The following DZIP1 variants were observed in gnomAD, a reference collection of about 807,000 sequenced individuals.
The protein encoded by DZIP1 is cilium assembly protein DZIP1.
Under a neutral mutation model 107.6 loss-of-function variants are expected in DZIP1, and 97 were observed. That is an observed-to-expected ratio of 0.90 (90% confidence interval 0.77 to 1.07). DZIP1 has a LOEUF of 1.07. DZIP1 is among the 50% of genes least tolerant of loss of function. The pLI, the probability that DZIP1 is intolerant of heterozygous loss-of-function variation, is 0.00. For synonymous variants in DZIP1, 390 were observed against 386.4 expected, an observed-to-expected ratio of 1.01 and a Z score of -0.11; for missense variants, 1,035 against 1,063.6, an observed-to-expected ratio of 0.97 and a Z score of 0.37.
intron 6 of DZIP1, among the ~76,000 whole-genome samples, chr13:95,630,489 C>T (rs1877061238): frequency 1.3e-5 from 2 of 151,974 alleles, no homozygotes. Flanking sequence ...GCAACAGCTT[C>T]CTCTGCAGGC....
At chr13:95,626,405 A>G (rs1876548898) in intron 7 of DZIP1, among the ~76,000 whole-genome samples, 1 of 152,226 alleles carries the variant, frequency 6.6e-6, no homozygotes, top group African/African-American at 2.4e-5. Context: ...AAAGGATTGT[A>G]AGAGAATATA....
In DZIP1 at chr13:95,644,580, C is replaced by G. The variant is rs914810169; in HGVS notation, c.-729G>C. 3 of 152,662 alleles carry G rather than the reference C, an allele frequency of 2.0e-5. No individual in the cohort carries two copies. The highest frequency in any genetic ancestry group is 7.2e-5 in the African/African-American group (3 of 41,462). 9.5% of individuals were successfully genotyped at this position (152,662 alleles called of 1,614,324 possible). ...CTGGGCAAGTTGTGGCGAGGCGGGT[C>G]GACTGGCGCCGCTCTAGGGCCTTCC... is the stretch of plus-strand genomic sequence containing the variant. On this transcript the variant is annotated 5_prime_UTR_variant, in exon 1 of 23. Transcript: ENST00000376829.
At chr13:95,620,966 G>A (rs1384175595) in intron 9 of DZIP1, among the ~76,000 whole-genome samples, 2 of 152,170 alleles carry the variant, frequency 1.3e-5, no homozygotes, top group Non-Finnish European at 2.9e-5. Context: ...TCACTGGATG[G>A]CCACTGGCAG....
At chr13:95,586,201 A>C in intron 20 of DZIP1, 65 bp from the exon 21 acceptor site, 1 of 1,383,068 alleles carries the variant, frequency 7.2e-7, no homozygotes, top group Non-Finnish European at 9.7e-7. Context: ...TTAGTTCCAA[A>C]ATAACCTTAC....
At chr13:95,612,607 T>C (rs1376490812) in intron 10 of DZIP1, among the ~76,000 whole-genome samples, 4 of 151,986 alleles carry the variant, frequency 2.6e-5, no homozygotes, top group Non-Finnish European at 5.9e-5. Flanking sequence ...TTTTTTGACA[T>C]GGAGTCTCGC....
chr13:95,621,857 A>G (rs1162358910), intron 9 of DZIP1, among the ~76,000 whole-genome samples: 12 of 151,954 alleles, frequency 7.9e-5, no homozygotes, highest in Non-Finnish European at 5.9e-5. Context: ...AGCTGGGATT[A>G]CAGGCATCTG....
intron 13 of DZIP1, among the ~76,000 whole-genome samples, chr13:95,608,487 G>A (rs1297639121): frequency 7.1e-6 from 1 of 141,590 alleles, no homozygotes. Context: ...ATAGATATTT[G>A]AGTTTGGTCA....
chr13:95,634,419 C>T (rs1877558322), intron 5 of DZIP1, among the ~76,000 whole-genome samples: 2 of 65,728 alleles, frequency 3.0e-5, no homozygotes, highest in Non-Finnish European at 1.0e-4. Context: ...CTAGCCCAGT[C>T]CCTCCAGGTT....
chr13:95,600,625 T>TAGGCAGACAGAC (rs2044593142), intron 14 of DZIP1, among the ~76,000 whole-genome samples: 1 of 125,208 alleles, frequency 8.0e-6, no homozygotes, highest in East Asian at 2.2e-4. Context: ...GATAGATAGA[T>TAGGCAGACAGAC]AGATAGACAG....
At chr13:95,593,059 C>A (rs1332319965) in intron 16 of DZIP1, among the ~76,000 whole-genome samples, 1 of 152,156 alleles carries the variant, frequency 6.6e-6, no homozygotes, top group Non-Finnish European at 1.5e-5. Flanking sequence ...CACACACATC[C>A]ATGTACATAC....
At chr13:95,619,075 CTG>C (rs36118959) in intron 10 of DZIP1, among the ~76,000 whole-genome samples, 46,067 of 151,870 alleles carry the variant, frequency 0.3, 7,252 homozygotes, top group Middle Eastern at 0.37. Context: ...CATTGCAGTT[CTG>C]TGATACAAAA....
rs758862754 is a variant in DZIP1, at chr13:95,606,002, C to T, written c.1477+1G>A. The T allele has an allele frequency of 1.2e-6, 2 of 1,613,878 alleles. No homozygotes were observed. The highest frequency in any genetic ancestry group is 1.1e-5 in the South Asian group (1 of 91,054). ...ACGCTGAGACTATTACTGAAACTTACCATGCACCATTGGCAGACTTGATTT... is the reference window on the plus strand; with the variant it reads ...ACGCTGAGACTATTACTGAAACTTATCATGCACCATTGGCAGACTTGATTT... On this transcript the variant is annotated splice_donor_variant, in intron 14 of 22. Transcript: ENST00000376829. LOFTEE classifies it high-confidence loss of function.
chr13:95,612,146 G>A lies in DZIP1; in HGVS notation c.1205C>T (p.Ser402Leu), dbSNP rs141507895. Residue 402 changes from serine (S) to leucine (L), a missense_variant, in exon 11 of 23, where the codon TCA (serine) becomes TTA (leucine). Coordinates refer to ENST00000376829, the MANE Select transcript of DZIP1 (RefSeq NM_198968.4). The part of the protein sequence containing the change: ...LLSHIEKLRT[S>L]MIDDLNASNV... ...GCTTGCATTTAGATCATCTATCATT[G>A]AGGTTCGAAGTTTCTCTATATGTGA... The A allele has an allele frequency of 6.2e-7, 1 of 1,612,562 alleles. No individual in the cohort carries two copies. Among genetic ancestry groups the A allele is most frequent in the Admixed American group, 1.7e-5 (1 of 59,984 alleles).
chr13:95,612,265 G>T, intron 10 of DZIP1, 88 bp from the exon 11 acceptor site: 1 of 1,451,018 alleles, frequency 6.9e-7, no homozygotes, highest in Non-Finnish European at 9.3e-7. Context: ...TGCTCTGCCT[G>T]TTTTGCTAGC....
chr13:95,641,968 G>T lies in DZIP1; in HGVS notation c.36+26C>A. 6.4e-7 allele frequency: 1 copy of T among 1,573,550 alleles called. No individual in the cohort carries two copies. Among genetic ancestry groups the T allele is most frequent in the Non-Finnish European group, 8.6e-7 (1 of 1,165,384 alleles). ...CTCCCCAGCCCGGCATCCCCGTCGGGGGCGCCCCGGCCTCCCGCCTCTTAC... is the reference window on the plus strand; with the variant it reads ...CTCCCCAGCCCGGCATCCCCGTCGGTGGCGCCCCGGCCTCCCGCCTCTTAC... On this transcript the variant is annotated intron_variant, in intron 4 of 22. Transcript: ENST00000376829. This position sits in a 1 kb window ranked among gnomAD's most constrained non-coding sequence, Gnocchi z 4.3.
At position 95,581,055 on chromosome 13, in the gene DZIP1, A is replaced by G. The variant is rs2044004409; in HGVS notation, c.*1179T>C. On this transcript the variant is annotated 3_prime_UTR_variant, in exon 23 of 23. Transcript: ENST00000376829. Reference sequence around the variant, plus strand: ...CAAGGCCAGATTCTCCCTCTGTAAGACCCCTAATAAGTACAAATTTAACTC... The same window carrying G: ...CAAGGCCAGATTCTCCCTCTGTAAGGCCCCTAATAAGTACAAATTTAACTC... 1 of 152,162 alleles carries G rather than the reference A, an allele frequency of 6.6e-6. No homozygotes were observed. Among genetic ancestry groups the G allele is most frequent in the Non-Finnish European group, 1.5e-5 (1 of 68,040 alleles). 9.4% of individuals were successfully genotyped at this position (152,162 alleles called of 1,614,324 possible).
intron 22 of DZIP1, chr13:95,584,474 T>A: frequency 1.6e-6 from 1 of 617,778 alleles, no homozygotes; most frequent in East Asian, 1.0e-4. Flanking sequence ...TAACACCGTT[T>A]CAAAAACAAA....
chr13:95,582,939 T>C (rs1032120496), intron 22 of DZIP1, among the ~76,000 whole-genome samples: 1 of 152,044 alleles, frequency 6.6e-6, no homozygotes, highest in Non-Finnish European at 1.5e-5. Context: ...TGCCAACAGG[T>C]CTCCTGGTTT....
Position 95,641,896 on chromosome 13 carries a change from G to C in DZIP1, c.37-41C>G. On this transcript the variant is annotated intron_variant, in intron 4 of 22. Transcript: ENST00000376829. The surrounding 1 kb of genome is among the most constrained non-coding windows in gnomAD (Gnocchi z 4.3). ...AGAGAGCGCGGCGGGAGGCGGGGAT[G>C]GGGGGCGGGCAGGCTGGGGAGCTGG... is the stretch of plus-strand genomic sequence containing the variant. The C allele has an allele frequency of 1.4e-6, 2 of 1,444,276 alleles. No individual in the cohort carries two copies. The highest frequency in any genetic ancestry group is 1.8e-6 in the Non-Finnish European group (2 of 1,104,460). 89.5% of individuals were successfully genotyped at this position (1,444,276 alleles called of 1,614,324 possible).
Sources: allele counts gnomAD v4.1 joint callset (sites outside exome capture counted in the v4.1 genomes callset), GRCh38; gene constraint gnomAD v4.1.1; non-coding constraint Gnocchi (gnomAD v3.1); transcripts MANE v1.5; gene names NCBI Gene and HGNC (gene_info 2026-07-23, HGNC 2026-07-21).